Variants in PCDH15 observed in about 807,000 individuals in gnomAD.
PCDH15 encodes the protein protocadherin related 15, also known as protocadherin-15.
A neutral mutation model predicts 178.5 loss-of-function variants in PCDH15; 129 were observed. That is an observed-to-expected ratio of 0.72 (90% CI 0.63 to 0.84). The LOEUF (loss-of-function observed/expected upper bound fraction) is 0.84, where lower values mean the gene tolerates loss of function less well. Among genes scored for constraint, PCDH15 ranks in the 40% least tolerant of loss-of-function variants. The probability of loss-of-function intolerance (pLI) is 0.00; values close to 1 mark genes in which losing one functional copy is unlikely to be tolerated. For synonymous variants in PCDH15, 800 were observed against 732.0 expected (o/e 1.09, Z -1.50); for missense variants, 2,230 against 2,099.9 (o/e 1.06, Z -1.21).
chr10:53,902,008 A>G (rs2082366022), intron 26 of PCDH15, among the ~76,000 whole-genome samples: 1 of 152,156 alleles, frequency 6.6e-6, no homozygotes, highest in African/African-American at 2.4e-5. Flanking sequence ...CAATTGCTCT[A>G]TATCAAACTT....
chr10:54,911,453 CTA>C (rs1400517458), intron 2 of PCDH15, among the ~76,000 whole-genome samples: 4 of 152,106 alleles, frequency 2.6e-5, no homozygotes, highest in Non-Finnish European at 5.9e-5. Context: ...AGACAATAAA[CTA>C]TTTTTAATAA....
At chr10:55,202,410 A>G (rs1840277555) in intron 1 of PCDH15, among the ~76,000 whole-genome samples, 1 of 152,106 alleles carries the variant, frequency 6.6e-6, no homozygotes, top group Non-Finnish European at 1.5e-5. Flanking sequence ...ACTACTTCCC[A>G]TTATAGGCCT....
intron 3 of PCDH15, among the ~76,000 whole-genome samples, chr10:54,467,729 T>C (rs998608105): frequency 1.3e-5 from 2 of 150,366 alleles, no homozygotes; most frequent in East Asian, 2.0e-4. Context: ...TTTAAAATAA[T>C]GTCAGGAGAA....
chr10:53,903,351 G>A lies in PCDH15; in HGVS notation c.3393C>T (p.Tyr1131=). The A allele has an allele frequency of 6.2e-7, 1 of 1,612,808 alleles. No individual in the cohort carries two copies. Among genetic ancestry groups the A allele is most frequent in the Non-Finnish European group, 8.5e-7 (1 of 1,179,376 alleles). ...GATTATTTTCATCCTGAATCTCAAT[G>A]TATACTTTAGCTGTATTGCCTGGAG... ...VPSKSNTAKV[Y]IEIQDENNHP... is the part of the protein sequence containing the mutation. Residue 1131 remains tyrosine, a synonymous_variant, in exon 26 of 38, where the codon TAC becomes TAT. Coordinates refer to ENST00000644397, the MANE Select transcript of PCDH15 (RefSeq NM_001384140.1).
At chr10:55,586,577 A>G (rs1175371763) in intron 2 of PCDH15, among the ~76,000 whole-genome samples, 1 of 152,176 alleles carries the variant, frequency 6.6e-6, no homozygotes, top group African/African-American at 2.4e-5. Flanking sequence ...AATATAAAGC[A>G]GCATTAAATG....
intron 2 of PCDH15, among the ~76,000 whole-genome samples, chr10:55,563,280 A>G (rs748027444): frequency 6.6e-6 from 1 of 151,788 alleles, no homozygotes; most frequent in African/African-American, 2.4e-5. Context: ...TTGTCCCCCT[A>G]CATTTTTCCT....
chr10:54,697,685 A>AAGGGGG (rs2095253277), intron 1 of PCDH15, among the ~76,000 whole-genome samples: 2 of 75,616 alleles, frequency 2.6e-5, no homozygotes, highest in Admixed American at 1.5e-4. Context: ...GGAAGGGAGG[A>AAGGGGG]AGGGAGGAAG....
chr10:53,899,328 T>G (rs2082173844), intron 26 of PCDH15, among the ~76,000 whole-genome samples: 2 of 152,158 alleles, frequency 1.3e-5, no homozygotes, highest in Middle Eastern at 3.2e-3. Flanking sequence ...TACAATTGTC[T>G]TTATTATGTT....
At chr10:53,937,950 C>T (rs981676511) in intron 25 of PCDH15, among the ~76,000 whole-genome samples, 1 of 152,122 alleles carries the variant, frequency 6.6e-6, no homozygotes, top group African/African-American at 2.4e-5. Flanking sequence ...TCTGTCTGGG[C>T]CTCTATTCTA....
At chr10:54,875,645 C>G (rs926556045) in intron 3 of PCDH15, among the ~76,000 whole-genome samples, 4 of 152,124 alleles carry the variant, frequency 2.6e-5, no homozygotes, top group African/African-American at 9.7e-5. Context: ...TTTGAAAGAT[C>G]TGGATGGAAG....
At chr10:54,500,505 G>A (rs1484232802) in intron 3 of PCDH15, among the ~76,000 whole-genome samples, 1 of 152,042 alleles carries the variant, frequency 6.6e-6, no homozygotes, top group Non-Finnish European at 1.5e-5. Flanking sequence ...TCACTTAGGA[G>A]AGGACAGGGG....
At chr10:54,097,138 A>G (rs2094714213) in intron 15 of PCDH15, among the ~76,000 whole-genome samples, 1 of 152,176 alleles carries the variant, frequency 6.6e-6, no homozygotes, top group Admixed American at 6.5e-5. Flanking sequence ...GGCTTCTTCC[A>G]CAGACCATTT....
intron 1 of PCDH15, among the ~76,000 whole-genome samples, chr10:55,252,813 A>C (rs545465331): frequency 6.6e-6 from 1 of 152,290 alleles, no homozygotes; most frequent in South Asian, 2.1e-4. Flanking sequence ...ACACACAAAC[A>C]CACACATTTA....
In PCDH15 at chr10:53,878,336, T is replaced by A. The variant is rs1416042020; in HGVS notation, c.3502-11479A>T. ...TATTCTATATATATAGTCTATATAGTCTATATATAATAGACTATATATACT... is the reference window on the plus strand; with the variant it reads ...TATTCTATATATATAGTCTATATAGACTATATATAATAGACTATATATACT... On this transcript the variant is annotated intron_variant, in intron 26 of 37. Coordinates refer to ENST00000644397, the MANE Select transcript of PCDH15 (RefSeq NM_001384140.1). Among the ~76,000 whole-genome samples, 44 of 144,174 alleles carry A rather than the reference T, an allele frequency of 3.1e-4. 1 individual carries two copies. In the East Asian group the frequency reaches 8.6e-3, roughly 28 times the overall value. 94.6% of individuals were successfully genotyped at this position (144,174 alleles called of 152,430 possible).
chr10:55,379,213 A>G (rs756318095), intron 2 of PCDH15, among the ~76,000 whole-genome samples: 2 of 151,986 alleles, frequency 1.3e-5, no homozygotes, highest in Non-Finnish European at 2.9e-5. Context: ...TACAGATGTA[A>G]CTGTAAATAA....
intron 2 of PCDH15, among the ~76,000 whole-genome samples, chr10:55,581,727 C>G (rs1842618763): frequency 6.6e-6 from 1 of 152,024 alleles, no homozygotes; most frequent in Non-Finnish European, 1.5e-5. Flanking sequence ...TCTGAAGGAC[C>G]TGGTATATGG....
At chr10:55,123,984 G>T (rs12770903) in intron 2 of PCDH15, among the ~76,000 whole-genome samples, 5,990 of 152,236 alleles carry the variant, frequency 0.039, 166 homozygotes, top group South Asian at 0.08. Flanking sequence ...GGTAACCATA[G>T]CAGTGTCTGG....
chr10:54,300,569 C>T (rs922821706), intron 8 of PCDH15, among the ~76,000 whole-genome samples: 1 of 152,166 alleles, frequency 6.6e-6, no homozygotes, highest in African/African-American at 2.4e-5. Context: ...CTAGAGTGGT[C>T]ATCGCCCAAT....
chr10:54,455,721 T>G (rs950012866), intron 3 of PCDH15, among the ~76,000 whole-genome samples: 1 of 152,164 alleles, frequency 6.6e-6, no homozygotes, highest in African/African-American at 2.4e-5. Flanking sequence ...CTCGAGGACA[T>G]GTCAGAGAAC....
Sources: allele counts gnomAD v4.1 joint callset (sites outside exome capture counted in the v4.1 genomes callset), GRCh38; gene constraint gnomAD v4.1.1; transcripts MANE v1.5; gene names NCBI Gene and HGNC (gene_info 2026-07-23, HGNC 2026-07-21).